SENP6: variants seen among roughly 807,000 people sequenced by gnomAD.
SENP6 encodes SUMO specific peptidase 6.
A neutral mutation model predicts 134.5 loss-of-function variants in SENP6; 41 were observed. The observed-to-expected ratio is 0.30, with a 90% CI of 0.24 to 0.40. The LOEUF (loss-of-function observed/expected upper bound fraction) is 0.40, where lower values mean the gene tolerates loss of function less well. Among genes scored for constraint, SENP6 ranks in the 10% least tolerant of loss-of-function variants. The pLI is 1.00. For missense variants in SENP6, 1,248 were observed against 1,312.5 expected, an observed-to-expected ratio of 0.95 and a Z score of 0.76; for synonymous variants, 395 against 429.8, an observed-to-expected ratio of 0.92 and a Z score of 1.00.
intron 9 of SENP6, among the ~76,000 whole-genome samples, chr6:75,664,705 GA>G (rs1375519977): frequency 6.6e-6 from 1 of 152,142 alleles, no homozygotes; most frequent in East Asian, 1.9e-4. Context: ...GACAGGTAGA[GA>G]AATACTGAGA....
At chr6:75,680,666 C>G (rs1161772702) in intron 16 of SENP6, among the ~76,000 whole-genome samples, 1 of 152,118 alleles carries the variant, frequency 6.6e-6, no homozygotes, top group Non-Finnish European at 1.5e-5. Flanking sequence ...TTTGAGTTCA[C>G]AATGACCCCA....
chr6:75,713,554 G>A lies in SENP6; in HGVS notation c.2951G>A (p.Arg984Gln), dbSNP rs748622590. Residue 984 changes from arginine to glutamine, a missense_variant, in exon 22 of 24, where the codon CGG (arginine) becomes CAG (glutamine). Around this residue, in one of 3 missense-constraint regions of SENP6, gnomAD observed 386 missense variants for 395.0 expected, o/e 0.98. Transcript: ENST00000447266. ...LLMDSLRGPSRSNVVKILREY... is the reference protein window; with the variant it reads ...LLMDSLRGPSQSNVVKILREY... ...ATGGACTCACTCCGAGGCCCTTCTC[G>A]GTCAAATGTTGTCAAAATTTTAAGA... 6 of 1,613,492 alleles carry A rather than the reference G, an allele frequency of 3.7e-6. No homozygotes were observed. Among genetic ancestry groups the A allele is most frequent in the East Asian group, 2.2e-5 (1 of 44,836 alleles).
intron 10 of SENP6, among the ~76,000 whole-genome samples, chr6:75,668,303 A>G (rs1772404013): frequency 6.6e-6 from 1 of 152,200 alleles, no homozygotes; most frequent in Admixed American, 6.5e-5. Context: ...AAAGATGAAT[A>G]TATTTGATTA....
chr6:75,712,521 T>TA (rs796632478), intron 21 of SENP6, among the ~76,000 whole-genome samples: 1,906 of 145,368 alleles, frequency 0.013, 37 homozygotes, highest in African/African-American at 0.041. Context: ...TGGAAAAAGT[T>TA]AAAAAAAAAA....
At chr6:75,690,003 C>G (rs1774125370) in intron 16 of SENP6, among the ~76,000 whole-genome samples, 1 of 152,180 alleles carries the variant, frequency 6.6e-6, no homozygotes, top group African/African-American at 2.4e-5. Context: ...CGATAGCCTC[C>G]TGGGCTCAAG....
intron 16 of SENP6, among the ~76,000 whole-genome samples, chr6:75,691,758 C>T (rs1253614003): frequency 6.6e-6 from 1 of 152,054 alleles, no homozygotes; most frequent in African/African-American, 2.4e-5. Flanking sequence ...CCAGGCCTGG[C>T]TAATTTTTTG....
Position 75,702,734 on chromosome 6 carries a change from T to C in SENP6, c.2378T>C (p.Ile793Thr). 2.5e-6 allele frequency: 4 copies of C among 1,614,052 alleles called. No homozygotes were observed. Among genetic ancestry groups the C allele is most frequent in the Middle Eastern group, 1.7e-4 (1 of 6,060 alleles). ...PNPHYHENAV[I>T]QKCSTVEDSC... ...CCTCATTACCATGAAAATGCTGTCA[T>C]ACAGAAATGTTCAACTGTAGAGGAC... Residue 793 changes from isoleucine to threonine, a missense_variant, in exon 19 of 24, where the codon ATA becomes ACA. Coordinates refer to ENST00000447266, the MANE Select transcript of SENP6 (RefSeq NM_015571.4).
chr6:75,634,931 A>C lies in SENP6; in HGVS notation c.458+120A>C, dbSNP rs139075507. The stretch of plus-strand genomic sequence containing the variant: ...TACTGTTTTCACTGTCTGTAGAGAG[A>C]TATATCTCTGAAATAATTCATGACA... On this transcript the variant is annotated intron_variant, in intron 5 of 23. Coordinates refer to ENST00000447266, the MANE Select transcript of SENP6 (RefSeq NM_015571.4). 8.6e-6 allele frequency: 6 copies of C among 701,676 alleles called. No individual in the cohort carries two copies. In the African/African-American group the frequency reaches 8.9e-5, roughly 10 times the overall value. The allele number at this position is 701,676 out of a possible 1,614,324, so 43.5% of individuals were successfully genotyped here.
At chr6:75,657,305 ACAT>A (rs1771417700) in intron 7 of SENP6, among the ~76,000 whole-genome samples, 1 of 152,172 alleles carries the variant, frequency 6.6e-6, no homozygotes. Context: ...TTATAGTGTC[ACAT>A]CATAGCTCTT....
intron 18 of SENP6, among the ~76,000 whole-genome samples, chr6:75,699,183 G>A (rs1290773962): frequency 2.6e-5 from 4 of 152,000 alleles, no homozygotes; most frequent in Non-Finnish European, 5.9e-5. Context: ...GATTATACAC[G>A]ATTTAGGAAT....
intron 3 of SENP6, among the ~76,000 whole-genome samples, chr6:75,626,497 T>G (rs1408060897): frequency 6.6e-6 from 1 of 152,172 alleles, no homozygotes; most frequent in Non-Finnish European, 1.5e-5. Flanking sequence ...TATATAGTAC[T>G]TCATTGGATG....
rs946466534 is a variant in SENP6, at chr6:75,602,553, C to G, written c.29C>G (p.Ala10Gly). The G allele has an allele frequency of 1.3e-6, 2 of 1,551,514 alleles. No homozygotes were observed. The highest frequency in any genetic ancestry group is 1.7e-6 in the Non-Finnish European group (2 of 1,146,908). The change falls in exon 1 of 24, where the codon GCA (alanine) becomes GGA (glycine). Residue 10 changes from alanine to glycine, a missense_variant. Transcript: ENST00000447266. MAAGKSGGS[A>G]GEITFLEALA... The stretch of plus-strand genomic sequence containing the variant: ...GCGGCCGGCAAGAGCGGCGGTAGCG[C>G]AGGGGAGATTACTTTTCTGGAAGGT...
intron 3 of SENP6, 73 bp downstream of exon 3, chr6:75,624,033 T>A: frequency 8.0e-7 from 1 of 1,246,358 alleles, no homozygotes; most frequent in Non-Finnish European, 1.1e-6. Flanking sequence ...AGATTTAATA[T>A]TTTTAAATTA....
chr6:75,625,698 G>A (rs1422719128), intron 3 of SENP6, among the ~76,000 whole-genome samples: 1 of 152,000 alleles, frequency 6.6e-6, no homozygotes, highest in Non-Finnish European at 1.5e-5. Context: ...TTGAAACCTC[G>A]TCTCTACTAA....
intron 1 of SENP6, among the ~76,000 whole-genome samples, chr6:75,605,481 C>A (rs1369414037): frequency 6.6e-6 from 1 of 151,998 alleles, no homozygotes; most frequent in African/African-American, 2.4e-5. Flanking sequence ...ATGATAAATA[C>A]GGAAGACATA....
intron 1 of SENP6, among the ~76,000 whole-genome samples, chr6:75,604,900 C>G (rs1007779313): frequency 2.6e-5 from 4 of 151,808 alleles, no homozygotes; most frequent in Admixed American, 2.0e-4. Context: ...TGGTGAAACC[C>G]CGTCTCTACT....
chr6:75,692,938 G>A (rs1463837087), intron 16 of SENP6, among the ~76,000 whole-genome samples: 1 of 152,224 alleles, frequency 6.6e-6, no homozygotes, highest in Non-Finnish European at 1.5e-5. Context: ...AGGTATGGTG[G>A]CGTATGCCTG....
intron 20 of SENP6, among the ~76,000 whole-genome samples, chr6:75,711,099 A>T (rs1775719732): frequency 1.3e-5 from 2 of 152,210 alleles, no homozygotes; most frequent in South Asian, 2.1e-4. Context: ...AATAGATGTA[A>T]CAATTTGTTA....
chr6:75,666,829 A>C lies in SENP6; in HGVS notation c.1112A>C (p.Glu371Ala). The change falls in exon 10 of 24, where the codon GAA becomes GCA. Residue 371 changes from glutamate (E) to alanine (A), a missense_variant. Glu to Ala is a moderately radical substitution (Grantham distance 107, BLOSUM62 -1). Coordinates refer to ENST00000447266, the MANE Select transcript of SENP6 (RefSeq NM_015571.4). ...CCTGCACCATCCACTGGAAAAGTAG[A>C]AGCAGCGCTAAATGAAAATACTTGC... ...SSPAPSTGKV[E>A]AALNENTCRA... The C allele has an allele frequency of 6.2e-7, 1 of 1,613,880 alleles. No homozygotes were observed.
Sources: gnomAD v4.1 joint callset for allele counts (sites outside exome capture counted in the v4.1 genomes callset) on GRCh38, gnomAD v4.1.1 for gene constraint, gnomAD v4.1.1 regional missense constraint, MANE v1.5 for transcripts, NCBI Gene and HGNC (gene_info 2026-07-23, HGNC 2026-07-21) for gene names.